MYEF2: variants seen among roughly 807,000 people sequenced by gnomAD.
MYEF2 encodes myelin gene expression factor 2.
Under a neutral mutation model 75.2 loss-of-function variants are expected in MYEF2, and 37 were observed. That is an observed-to-expected ratio of 0.49 (90% CI 0.38 to 0.65). The LOEUF (loss-of-function observed/expected upper bound fraction) is 0.65. Among genes scored for constraint, MYEF2 ranks in the 30% least tolerant of loss-of-function variants. MYEF2 has a pLI of 0.00. For missense variants in MYEF2, 634 were observed against 771.4 expected (o/e 0.82, Z 2.11); for synonymous variants, 195 against 241.6 (o/e 0.81, Z 1.79).
At position 48,137,261 on chromosome 15, in the gene MYEF2, G is replaced by C; in HGVS notation, c.*5647C>G. 7.1e-6 allele frequency: 2 copies of C among 282,474 alleles called. No homozygotes were observed. Among genetic ancestry groups the C allele is most frequent in the Non-Finnish European group, 1.3e-5 (2 of 151,540 alleles). 17.5% of individuals were successfully genotyped at this position (282,474 alleles called of 1,614,324 possible). On this transcript the variant is annotated 3_prime_UTR_variant, in exon 17 of 17. Transcript: ENST00000324324. ...AGATAGGAGATTTTCACAGAGAAGGGAGCATTTAAATTGGGCCTTGCTGGA... is the reference window on the plus strand; with the variant it reads ...AGATAGGAGATTTTCACAGAGAAGGCAGCATTTAAATTGGGCCTTGCTGGA...
In MYEF2 at chr15:48,139,275, T is replaced by C; in HGVS notation, c.*3633A>G. 1.1e-6 allele frequency: 1 copy of C among 946,164 alleles called. No homozygotes were observed. The highest frequency in any genetic ancestry group is 2.4e-5 in the East Asian group (1 of 40,906). The allele number at this position is 946,164 out of a possible 1,614,324, so 58.6% of individuals were successfully genotyped here. On this transcript the variant is annotated 3_prime_UTR_variant, in exon 17 of 17. Coordinates refer to ENST00000324324, the MANE Select transcript of MYEF2 (RefSeq NM_016132.5). ...AGTCTAGCTACACAGCAAATTTCTT[T>C]TCAGCAAGATTGAAGATTAGTACCA...
chr15:48,169,529 T>C (rs979882659), intron 1 of MYEF2, among the ~76,000 whole-genome samples: 1 of 152,168 alleles, frequency 6.6e-6, no homozygotes, highest in East Asian at 1.9e-4. Flanking sequence ...TCATTAATAT[T>C]ACCTACAATG....
At chr15:48,176,111 G>A (rs1038655777) in intron 1 of MYEF2, among the ~76,000 whole-genome samples, 2 of 150,192 alleles carry the variant, frequency 1.3e-5, no homozygotes, top group Non-Finnish European at 3.0e-5. Context: ...GCAATATTAT[G>A]GTAATTTTTA....
At chr15:48,163,525 C>T (rs1013745888) in intron 5 of MYEF2, among the ~76,000 whole-genome samples, 1 of 152,160 alleles carries the variant, frequency 6.6e-6, no homozygotes, top group Non-Finnish European at 1.5e-5. Flanking sequence ...GAAAGTTATC[C>T]AGAACACCTA....
intron 16 of MYEF2, among the ~76,000 whole-genome samples, chr15:48,148,575 T>G (rs569162719): frequency 1.1e-3 from 171 of 152,068 alleles, no homozygotes; most frequent in African/African-American, 4.0e-3. Context: ...GTAGAATGGG[T>G]CTCACCTATT....
intron 9 of MYEF2, 199 bp downstream of exon 9, chr15:48,157,794 C>T: frequency 1.5e-6 from 2 of 1,307,828 alleles, no homozygotes; most frequent in Non-Finnish European, 1.9e-6. Flanking sequence ...GAAAAGTTAC[C>T]AAAGAGAAAA....
At chr15:48,152,745 G>A (rs2039540483) in intron 10 of MYEF2, 1 of 155,532 alleles carries the variant, frequency 6.4e-6, no homozygotes, top group Non-Finnish European at 1.4e-5. Flanking sequence ...TATGTATTTA[G>A]GAGAGGGTAG....
intron 13 of MYEF2, 86 bp downstream of exon 13, chr15:48,151,387 T>G: frequency 7.8e-7 from 1 of 1,279,350 alleles, no homozygotes; most frequent in South Asian, 1.2e-5. Context: ...CATTATGATT[T>G]TCTGATTTTT....
At position 48,151,458 on chromosome 15, in the gene MYEF2, T is replaced by C. The variant is rs112670230; in HGVS notation, c.1306+15A>G. ...GCCTACAAAAAGAAAAGGAGAAGTA[T>C]GCAGCCAGCCCTACCAAGTCTACCA... On this transcript the variant is annotated intron_variant, in intron 13 of 16. Coordinates refer to ENST00000324324, the MANE Select transcript of MYEF2 (RefSeq NM_016132.5). 1.2e-6 allele frequency: 2 copies of C among 1,603,040 alleles called. No homozygotes were observed. The highest frequency in any genetic ancestry group is 1.3e-5 in the African/African-American group (1 of 74,714).
intron 1 of MYEF2, among the ~76,000 whole-genome samples, chr15:48,169,052 AT>A (rs1008780210): frequency 6.6e-6 from 1 of 152,068 alleles, no homozygotes; most frequent in Non-Finnish European, 1.5e-5. Context: ...AACAGTCCTC[AT>A]TTTTTTCCCA....
chr15:48,138,814 C>A lies in MYEF2; in HGVS notation c.*4094G>T. The A allele has an allele frequency of 1.7e-6, 1 of 598,394 alleles. No homozygotes were observed. The highest frequency in any genetic ancestry group is 1.9e-5 in the African/African-American group (1 of 53,892). The allele number at this position is 598,394 out of a possible 1,614,324, so 37.1% of individuals were successfully genotyped here. A position where few individuals can be genotyped will look rare whatever the true frequency, so the allele number is the denominator to read the frequency against. ...CCTAAAGTTTCAATTAGTTTCTTTT[C>A]ACCAGCAATATCAGTAATGAGGTAC... is the stretch of plus-strand genomic sequence containing the variant. On this transcript the variant is annotated 3_prime_UTR_variant, in exon 17 of 17. Transcript: ENST00000324324.
At chr15:48,151,385 T>C in intron 13 of MYEF2, 88 bp downstream of exon 13, 1 of 1,266,656 alleles carries the variant, frequency 7.9e-7, no homozygotes, top group Non-Finnish European at 1.1e-6. Flanking sequence ...AACATTATGA[T>C]TTTCTGATTT....
chr15:48,151,813 A>G, intron 12 of MYEF2, 61 bp downstream of exon 12: 1 of 1,556,494 alleles, frequency 6.4e-7, no homozygotes, highest in Admixed American at 1.7e-5. Context: ...TATAGGGGGG[A>G]AATATTAATA....
chr15:48,149,308 C>G lies in MYEF2; in HGVS notation c.1442G>C (p.Ser481Thr). The G allele has an allele frequency of 6.2e-7, 1 of 1,613,168 alleles. No homozygotes were observed. The highest frequency in any genetic ancestry group is 1.1e-5 in the South Asian group (1 of 91,058). The change falls in exon 15 of 17, where the codon AGT becomes ACT. Residue 481 changes from serine (S) to threonine (T), a missense_variant. Physicochemically the swap from Ser to Thr is moderately conservative, Grantham distance 58. Transcript: ENST00000324324. This position sits in a 1 kb window ranked among gnomAD's most constrained non-coding sequence, Gnocchi z 4.0. ...TGGTCCCATTCTATCAAAGCTGGAA[C>G]TCATCCGGTCCAGTCCCATCCCCAT... ...GGMGMGLDRM[S>T]SSFDRMGPGI...
chr15:48,152,022 C>T (rs2039510145), intron 11 of MYEF2, 80 bp from the exon 12 acceptor site: 2 of 1,404,860 alleles, frequency 1.4e-6, no homozygotes, highest in Non-Finnish European at 2.0e-6. Context: ...TTAAATCTCA[C>T]CAGTAAGCTC....
intron 5 of MYEF2, 116 bp from the exon 6 acceptor site, chr15:48,159,920 T>C: frequency 9.4e-7 from 1 of 1,058,290 alleles, no homozygotes; most frequent in East Asian, 2.8e-5. Flanking sequence ...ATTGACCCTC[T>C]TGAAGAGTGA....
chr15:48,174,579 A>G (rs2140944328), intron 1 of MYEF2, among the ~76,000 whole-genome samples: 1 of 152,250 alleles, frequency 6.6e-6, no homozygotes, highest in Non-Finnish European at 1.5e-5. Flanking sequence ...TCAAAAATGT[A>G]TAAGGAACCC....
rs2062728733 is a variant in MYEF2 at position 48,165,967 on chromosome 15, T to C, written c.491A>G (p.Tyr164Cys). ...ATTAAGGGGTCTTCCACTAAGATCA[T>C]ATTTGTTCATAGTTTCTAGGGCTTT... ...VKKALETMNK[Y>C]DLSGRPLNIK... Residue 164 changes from tyrosine to cysteine, a missense_variant, in exon 5 of 17, where the codon TAT becomes TGT. Coordinates refer to ENST00000324324, the MANE Select transcript of MYEF2 (RefSeq NM_016132.5). 2.5e-6 allele frequency: 4 copies of C among 1,592,978 alleles called. No homozygotes were observed. The highest frequency in any genetic ancestry group is 1.7e-5 in the Admixed American group (1 of 58,046).
At chr15:48,151,609 T>C in intron 12 of MYEF2, 38 bp from the exon 13 acceptor site, 3 of 1,512,980 alleles carry the variant, frequency 2.0e-6, no homozygotes, top group Non-Finnish European at 2.7e-6. Flanking sequence ...TTTTCAAATA[T>C]ATCAATACAT....
Sources: gnomAD v4.1 joint callset for allele counts (sites outside exome capture counted in the v4.1 genomes callset) on GRCh38, gnomAD v4.1.1 for gene constraint, Gnocchi (gnomAD v3.1) non-coding constraint, MANE v1.5 for transcripts, NCBI Gene and HGNC (gene_info 2026-07-23, HGNC 2026-07-21) for gene names.